The following ARID5B variants were observed in gnomAD, a reference collection of about 807,000 sequenced individuals.
ARID5B encodes AT-rich interactive domain-containing protein 5B.
ARID5B carries 13 observed loss-of-function variants against 97.2 expected under a neutral mutation model. That is an observed-to-expected ratio of 0.13 (90% CI 0.09 to 0.21). ARID5B has a LOEUF of 0.21. ARID5B is among the 10% of genes least tolerant of loss of function. The pLI, the probability that ARID5B is intolerant of heterozygous loss-of-function variation, is 1.00. For missense variants in ARID5B, 1,210 were observed against 1,465.3 expected (o/e 0.83, Z 2.84); for synonymous variants, 556 against 570.3 (o/e 0.97, Z 0.36).
chr10:61,990,418 G>A (rs1286797935), intron 3 of ARID5B, among the ~76,000 whole-genome samples: 2 of 152,160 alleles, frequency 1.3e-5, no homozygotes, highest in Non-Finnish European at 2.9e-5. Flanking sequence ...AGTCATGTTG[G>A]GCAGATAACC....
At chr10:61,901,925 A>G (rs1843621730) in intron 1 of ARID5B, among the ~76,000 whole-genome samples, 195 bp downstream of exon 1, 1 of 151,056 alleles carries the variant, frequency 6.6e-6, no homozygotes, top group South Asian at 2.1e-4. Context: ...ATGTAATTTT[A>G]CCGCCTCAAA....
Position 62,092,661 on chromosome 10 carries a change from A to T in ARID5B, c.3198A>T (p.Ser1066=), listed in dbSNP as rs758934227. Residue 1066 remains serine, a synonymous_variant, in exon 10 of 10, where the codon TCA becomes TCT. Transcript: ENST00000279873. ...AAHGGHSGGG[S]EGHKLPLSSP... ...ACGGTGGGCATTCCGGGGGCGGATC[A>T]GAAGGCCACAAGCTTCCCCTCTCCT... 1 of 1,614,094 alleles carries T rather than the reference A, an allele frequency of 6.2e-7. No individual in the cohort carries two copies. Among genetic ancestry groups the T allele is most frequent in the Non-Finnish European group, 8.5e-7 (1 of 1,179,990 alleles).
intron 6 of ARID5B, among the ~76,000 whole-genome samples, chr10:62,058,929 T>G (rs1183538811): frequency 6.6e-6 from 1 of 152,192 alleles, no homozygotes; most frequent in Non-Finnish European, 1.5e-5. Flanking sequence ...AGCCCATGCT[T>G]TTTCCCAAAG....
intron 4 of ARID5B, among the ~76,000 whole-genome samples, chr10:62,033,556 T>G (rs529520656): frequency 6.6e-6 from 1 of 152,342 alleles, no homozygotes; most frequent in South Asian, 2.1e-4. Flanking sequence ...CTTCCTGGGC[T>G]CTACAAGGTG....
chr10:62,044,012 G>T (rs903380716), intron 4 of ARID5B, among the ~76,000 whole-genome samples: 2 of 151,778 alleles, frequency 1.3e-5, no homozygotes, highest in African/African-American at 4.8e-5. Context: ...GCAAAGTGAC[G>T]ACCTCATATG....
chr10:61,978,467 C>T (rs1052107031), intron 3 of ARID5B, among the ~76,000 whole-genome samples: 26 of 152,124 alleles, frequency 1.7e-4, no homozygotes, highest in Admixed American at 2.0e-4. Flanking sequence ...GCCATTTTCA[C>T]GATATTGATT....
intron 4 of ARID5B, among the ~76,000 whole-genome samples, chr10:62,007,658 T>C (rs74159504): frequency 0.14 from 20,855 of 152,124 alleles, 2,876 homozygotes; most frequent in African/African-American, 0.34. Context: ...AACACAACCT[T>C]AACCACATAC....
chr10:62,087,339 A>G (rs1422313902), intron 9 of ARID5B, among the ~76,000 whole-genome samples: 1 of 149,034 alleles, frequency 6.7e-6, no homozygotes, highest in Non-Finnish European at 1.5e-5. Context: ...TCTTAAGTGC[A>G]TATTATTTAT....
intron 2 of ARID5B, among the ~76,000 whole-genome samples, chr10:61,911,791 C>A (rs1165071989): frequency 6.6e-6 from 1 of 152,168 alleles, no homozygotes; most frequent in Admixed American, 6.5e-5. Flanking sequence ...CGTCATTATT[C>A]CAATGCCCTT....
chr10:62,050,602 A>G (rs1839774071), intron 4 of ARID5B, among the ~76,000 whole-genome samples: 1 of 152,312 alleles, frequency 6.6e-6, no homozygotes, highest in East Asian at 1.9e-4. Context: ...GTGGAAGGAC[A>G]TTTTTCTTAT....
intron 2 of ARID5B, among the ~76,000 whole-genome samples, chr10:61,917,619 T>A (rs994933247): frequency 1.3e-5 from 2 of 152,244 alleles, no homozygotes; most frequent in Non-Finnish European, 2.9e-5. Flanking sequence ...TCTGTCCAGA[T>A]GTGGCCCACA....
intron 2 of ARID5B, among the ~76,000 whole-genome samples, chr10:61,903,692 G>T (rs1271612923): frequency 2.0e-5 from 3 of 152,142 alleles, no homozygotes; most frequent in Non-Finnish European, 4.4e-5. Flanking sequence ...TCATCCCGGG[G>T]CTCGGAGCTG....
chr10:62,013,279 T>G (rs936292674), intron 4 of ARID5B, among the ~76,000 whole-genome samples: 6 of 152,174 alleles, frequency 3.9e-5, no homozygotes, highest in Admixed American at 3.9e-4. Flanking sequence ...CCTCAGACCT[T>G]CAGAATTTGA....
Position 62,091,279 on chromosome 10 carries a change from G to A in ARID5B, c.1816G>A (p.Ala606Thr). The change falls in exon 10 of 10, where the codon GCA (alanine) becomes ACA (threonine). Residue 606 changes from alanine to threonine, a missense_variant. By Grantham distance (58) the Ala-to-Thr change is moderately conservative. Transcript: ENST00000279873. ...CTTCCCCACCACACAGCCACCGCTG[G>A]CAAACCAGAATGAGACGGAGGATGA... ...PSFPTTQPPL[A>T]NQNETEDDKL... 1 of 1,614,178 alleles carries A rather than the reference G, an allele frequency of 6.2e-7. No homozygotes were observed. Among genetic ancestry groups the A allele is most frequent in the Non-Finnish European group, 8.5e-7 (1 of 1,180,016 alleles).
At chr10:62,049,270 C>G (rs979337644) in intron 4 of ARID5B, 11 of 1,421,150 alleles carry the variant, frequency 7.7e-6, no homozygotes, top group African/African-American at 1.4e-5. Flanking sequence ...CCCACACACT[C>G]GGTGCTAGTC....
chr10:62,051,200 C>T, intron 5 of ARID5B, 200 bp downstream of exon 5: 1 of 645,600 alleles, frequency 1.5e-6, no homozygotes, highest in Non-Finnish European at 2.8e-6. Flanking sequence ...GGGAGGTAGG[C>T]ATTTTGATTA....
At chr10:61,964,665 G>A (rs1246718232) in intron 3 of ARID5B, among the ~76,000 whole-genome samples, 2 of 152,310 alleles carry the variant, frequency 1.3e-5, no homozygotes, top group South Asian at 2.1e-4. Flanking sequence ...ATGCTTAAAT[G>A]CAAACAAGCT....
rs532315988 is a variant in ARID5B, at chr10:62,093,936, G to C, written c.*906G>C. 4.3e-6 allele frequency: 1 copy of C among 233,582 alleles called. No homozygotes were observed. Among genetic ancestry groups the C allele is most frequent in the Non-Finnish European group, 8.5e-6 (1 of 118,036 alleles). The allele number at this position is 233,582 out of a possible 1,614,324, so 14.5% of individuals were successfully genotyped here. On this transcript the variant is annotated 3_prime_UTR_variant, in exon 10 of 10. Transcript: ENST00000279873. Reference sequence around the variant, plus strand: ...TTAAGGATTTTGTTCCTCATAAATGGCATAGTTGAAAGAGCTTATACACTG... The same window carrying C: ...TTAAGGATTTTGTTCCTCATAAATGCCATAGTTGAAAGAGCTTATACACTG...
intron 3 of ARID5B, among the ~76,000 whole-genome samples, chr10:61,996,684 AGCATTAATACTT>A (rs1198410712): frequency 1.3e-5 from 2 of 152,274 alleles, no homozygotes; most frequent in African/African-American, 4.8e-5. Flanking sequence ...TACTGGAAAT[AGCATTAATACTT>A]GCTTTCTAAA....
Sources: allele counts gnomAD v4.1 joint callset (sites outside exome capture counted in the v4.1 genomes callset), GRCh38; gene constraint gnomAD v4.1.1; transcripts MANE v1.5; gene names NCBI Gene and HGNC (gene_info 2026-07-23, HGNC 2026-07-21).